TSPEAR: variants seen among roughly 807,000 people sequenced by gnomAD.
TSPEAR encodes thrombospondin type laminin G domain and EAR repeats, also known as thrombospondin-type laminin G domain and EAR repeat-containing protein.
A neutral mutation model predicts 71.6 loss-of-function variants in TSPEAR; 69 were observed. The observed-to-expected ratio is 0.96, with a 90% CI of 0.79 to 1.18. The LOEUF (loss-of-function observed/expected upper bound fraction) is 1.18. Among genes scored for constraint, TSPEAR ranks in the 50% most tolerant of loss-of-function variants. TSPEAR has a pLI of 0.00. For missense variants in TSPEAR, 971 were observed against 894.9 expected, an observed-to-expected ratio of 1.09 and a Z score of -1.09; for synonymous variants, 402 against 387.2, an observed-to-expected ratio of 1.04 and a Z score of -0.45.
At chr21:44,564,563 G>T (rs138133103) in intron 2 of TSPEAR, among the ~76,000 whole-genome samples, 1 of 152,042 alleles carries the variant, frequency 6.6e-6, no homozygotes, top group Non-Finnish European at 1.5e-5. Flanking sequence ...ATGATAAAAG[G>T]TCAACCTATC....
chr21:44,572,049 C>T (rs372985976), intron 1 of TSPEAR, among the ~76,000 whole-genome samples: 3 of 152,228 alleles, frequency 2.0e-5, no homozygotes, highest in South Asian at 2.1e-4. Flanking sequence ...GGCGGCACCG[C>T]GAGGGATGGG....
intron 1 of TSPEAR, among the ~76,000 whole-genome samples, chr21:44,598,393 G>A (rs1980514051): frequency 6.6e-6 from 1 of 152,166 alleles, no homozygotes; most frequent in Non-Finnish European, 1.5e-5. Flanking sequence ...GTGTGCTCTC[G>A]TGGCAACCAG....
At chr21:44,702,911 G>C in intron 1 of TSPEAR, 1 of 606,082 alleles carries the variant, frequency 1.6e-6, no homozygotes, top group Non-Finnish European at 2.9e-6. Flanking sequence ...ACCACAGTGT[G>C]CAAGCTGGCT....
intron 2 of TSPEAR, chr21:44,558,549 G>A: frequency 6.2e-7 from 1 of 1,613,370 alleles, no homozygotes; most frequent in Non-Finnish European, 8.5e-7. Context: ...CTGGCAGCAG[G>A]GGCTGGACAC....
At chr21:44,633,098 A>G (rs998646593) in intron 1 of TSPEAR, among the ~76,000 whole-genome samples, 1 of 152,114 alleles carries the variant, frequency 6.6e-6, no homozygotes, top group African/African-American at 2.4e-5. Flanking sequence ...TCTGATTTTA[A>G]TAATTAGAGC....
In TSPEAR at chr21:44,642,941, C is replaced by T. The variant is rs1984098580; in HGVS notation, c.82+68492G>A. On this transcript the variant is annotated intron_variant, in intron 1 of 11. Coordinates refer to ENST00000323084, the MANE Select transcript of TSPEAR (RefSeq NM_144991.3). This position sits in a 1 kb window ranked among gnomAD's most constrained non-coding sequence, Gnocchi z 4.1. ...TAAACAAGACAAATTAAAGCCAGAG[C>T]TCAGAGATACCTGCACTGCCATGCT... 6.6e-6 allele frequency among the ~76,000 whole-genome samples: 1 copy of T among 152,292 alleles called. No individual in the cohort carries two copies. The highest frequency in any genetic ancestry group is 1.9e-4 in the East Asian group (1 of 5,180).
At chr21:44,692,157 T>C (rs1454320133) in intron 1 of TSPEAR, among the ~76,000 whole-genome samples, 1 of 152,140 alleles carries the variant, frequency 6.6e-6, no homozygotes, top group Non-Finnish European at 1.5e-5. Flanking sequence ...CCAACACCAT[T>C]TTATGATTTT....
intron 9 of TSPEAR, chr21:44,519,570 G>A (rs770996970): frequency 9.0e-4 from 137 of 152,756 alleles, no homozygotes; most frequent in Middle Eastern, 6.8e-3. Flanking sequence ...TCCGCTGTCC[G>A]CACACCAGCA....
Position 44,657,842 on chromosome 21 carries a change from T to C in TSPEAR, c.82+53591A>G, listed in dbSNP as rs375993350. The C allele has an allele frequency of 1.1e-5, 9 of 804,310 alleles. No individual in the cohort carries two copies. In the East Asian group the frequency reaches 1.7e-4, roughly 16 times the overall value. 49.8% of individuals were successfully genotyped at this position (804,310 alleles called of 1,614,324 possible). On this transcript the variant is annotated intron_variant, in intron 1 of 11. Coordinates refer to ENST00000323084, the MANE Select transcript of TSPEAR (RefSeq NM_144991.3). ...GAAAATAAGATGTTGGGAAACACAG[T>C]GGAAACAACCACAAGGAAGACAACA...
rs140976669 is a variant in TSPEAR at position 44,567,838 on chromosome 21, G to A, written c.250C>T (p.Pro84Ser). ...SRIFSQCDLF[P>S]EEFSIVVTLR... is the part of the protein sequence containing the mutation. ...GTTACGACGATGGAAAATTCTTCAG[G>A]GAAGAGGTCACACTGGGAGAAAATC... Residue 84 changes from proline to serine, a missense_variant, in exon 2 of 12, where the codon CCT (proline) becomes TCT (serine). Coordinates refer to ENST00000323084, the MANE Select transcript of TSPEAR (RefSeq NM_144991.3). 27 of 1,606,318 alleles carry A rather than the reference G, an allele frequency of 1.7e-5. No homozygotes were observed. The African/African-American group carries it at 2.8e-4, about 17-fold the overall frequency.
intron 1 of TSPEAR, among the ~76,000 whole-genome samples, chr21:44,577,699 C>G (rs782750284): frequency 6.6e-6 from 1 of 152,184 alleles, no homozygotes; most frequent in African/African-American, 2.4e-5. Flanking sequence ...ACATATCCAC[C>G]ATATCACCTA....
intron 1 of TSPEAR, among the ~76,000 whole-genome samples, chr21:44,706,728 C>G (rs1409499404): frequency 1.3e-5 from 2 of 152,188 alleles, no homozygotes; most frequent in Non-Finnish European, 2.9e-5. Flanking sequence ...CAGGGAGGGG[C>G]TCCCCAGGCT....
intron 1 of TSPEAR, among the ~76,000 whole-genome samples, chr21:44,610,836 C>T (rs1379883821): frequency 6.6e-6 from 1 of 152,220 alleles, no homozygotes; most frequent in African/African-American, 2.4e-5. Flanking sequence ...CCTCTTGCAT[C>T]ATTATGACCT....
At chr21:44,647,955 C>A (rs1984539249) in intron 1 of TSPEAR, among the ~76,000 whole-genome samples, 1 of 152,236 alleles carries the variant, frequency 6.6e-6, no homozygotes, top group South Asian at 2.1e-4. Context: ...CCAGTCCAAG[C>A]TAAAGCTGAG....
At chr21:44,536,190 C>A (rs2053088580) in intron 2 of TSPEAR, among the ~76,000 whole-genome samples, 1 of 152,220 alleles carries the variant, frequency 6.6e-6, no homozygotes, top group South Asian at 2.1e-4. Flanking sequence ...CACTCTGGCC[C>A]CCTTTCCGGG....
Position 44,531,110 on chromosome 21 carries a change from G to T in TSPEAR, c.566C>A (p.Ala189Asp), listed in dbSNP as rs1555915725. The T allele has an allele frequency of 2.5e-6, 4 of 1,613,882 alleles. No homozygotes were observed. Among genetic ancestry groups the T allele is most frequent in the East Asian group, 2.2e-5 (1 of 44,884 alleles). ...TCGAGCTCCTTTCACTGACAGGGTG[G>T]CTGGGAAGGGCACATCGGCCATTCT... ...VDIMADVPFP[A>D]TLSVKGARFF... is the part of the protein sequence containing the mutation. The change falls in exon 4 of 12, where the codon GCC becomes GAC. Residue 189 changes from alanine (A) to aspartate (D), a missense_variant. Coordinates refer to ENST00000323084, the MANE Select transcript of TSPEAR (RefSeq NM_144991.3).
intron 1 of TSPEAR, among the ~76,000 whole-genome samples, chr21:44,583,062 G>C (rs889341637): frequency 6.6e-6 from 1 of 151,890 alleles, no homozygotes; most frequent in Non-Finnish European, 1.5e-5. Flanking sequence ...GGCTGGTCTC[G>C]AACTTATGGC....
At chr21:44,554,652 C>T (rs770459581) in intron 2 of TSPEAR, among the ~76,000 whole-genome samples, 8 of 152,160 alleles carry the variant, frequency 5.3e-5, no homozygotes, top group African/African-American at 1.2e-4. Flanking sequence ...TGTGAGAGGC[C>T]GCTAACCACA....
Position 44,567,826 on chromosome 21 carries a change from A to G in TSPEAR, c.262T>C (p.Ser88Pro). 1 of 1,601,580 alleles carries G rather than the reference A, an allele frequency of 6.2e-7. No individual in the cohort carries two copies. The highest frequency in any genetic ancestry group is 1.7e-4 in the Middle Eastern group (1 of 6,012). ...SQCDLFPEEFSIVVTLRVPNL... is the reference protein window; with the variant it reads ...SQCDLFPEEFPIVVTLRVPNL... ...GGAACTCTCAAAGTTACGACGATGG[A>G]AAATTCTTCAGGGAAGAGGTCACAC... Residue 88 changes from serine to proline, a missense_variant, in exon 2 of 12, where the codon TCC becomes CCC. Transcript: ENST00000323084.
Sources: gnomAD v4.1 joint callset for allele counts (sites outside exome capture counted in the v4.1 genomes callset) on GRCh38, gnomAD v4.1.1 for gene constraint, Gnocchi (gnomAD v3.1) non-coding constraint, MANE v1.5 for transcripts, NCBI Gene and HGNC (gene_info 2026-07-23, HGNC 2026-07-21) for gene names.